The following TENM3 variants were observed in gnomAD, a reference collection of about 807,000 sequenced individuals.
The protein encoded by TENM3 is teneurin-3.
A neutral mutation model predicts 255.1 loss-of-function variants in TENM3; 63 were observed. The ratio of observed to expected loss-of-function variants is 0.25; its 90% CI spans 0.20 to 0.30. TENM3 has a LOEUF of 0.30. Among genes scored for constraint, TENM3 ranks in the 10% least tolerant of loss-of-function variants. The pLI, the probability that TENM3 is intolerant of heterozygous loss-of-function variation, is 1.00. For synonymous variants in TENM3, 1,306 were observed against 1,322.3 expected (o/e 0.99, Z 0.27); for missense variants, 2,929 against 3,461.1 (o/e 0.85, Z 3.86).
At position 182,508,026 on chromosome 4, in the gene TENM3, G is replaced by A. The variant is rs1410291402; in HGVS notation, c.512-92898G>A. 3.9e-4 allele frequency among the ~76,000 whole-genome samples: 60 copies of A among 152,148 alleles called. 1 individual carries two copies. The highest frequency in any genetic ancestry group is 1.5e-5 in the Non-Finnish European group (1 of 68,014). On this transcript the variant is annotated intron_variant, in intron 3 of 27. Transcript: ENST00000511685. ...CAGGCTCTGGTATCAGGTTTCCTGG[G>A]ATGGAATCCTAGTTCTGTCACTAAC...
intron 1 of TENM3, among the ~76,000 whole-genome samples, chr4:182,177,518 T>G (rs938187303): frequency 2.6e-5 from 4 of 151,800 alleles, no homozygotes; most frequent in Non-Finnish European, 5.9e-5. Flanking sequence ...CTGAAAATTA[T>G]CAAATTAGGC....
At chr4:182,108,141 T>C in the TENM3 span, among the ~76,000 whole-genome samples, 1 of 152,216 alleles carries the variant, frequency 6.6e-6, no homozygotes, top group Admixed American at 6.5e-5. Context: ...CATCAGAGCA[T>C]GTGCCCAGCC....
At chr4:181,606,460 G>T in the TENM3 span, among the ~76,000 whole-genome samples, 1 of 152,116 alleles carries the variant, frequency 6.6e-6, no homozygotes, top group Non-Finnish European at 1.5e-5. Context: ...GACAATGCTT[G>T]GTTCTCAGTT....
chr4:182,351,552 G>T (rs1765183196), intron 3 of TENM3, among the ~76,000 whole-genome samples: 1 of 152,154 alleles, frequency 6.6e-6, no homozygotes, highest in African/African-American at 2.4e-5. Context: ...GAGGGGCGGA[G>T]CTCTCCTGTT....
At chr4:182,580,781 G>A (rs1745414174) in intron 3 of TENM3, among the ~76,000 whole-genome samples, 1 of 152,144 alleles carries the variant, frequency 6.6e-6, no homozygotes, top group Non-Finnish European at 1.5e-5. Context: ...CAAATTATGT[G>A]TGGTACATTT....
At chr4:181,711,055 G>A in the TENM3 span, among the ~76,000 whole-genome samples, 2 of 151,936 alleles carry the variant, frequency 1.3e-5, no homozygotes, top group African/African-American at 4.8e-5. Context: ...CCTGGGGTAG[G>A]GTAGAACAAT....
the TENM3 span, among the ~76,000 whole-genome samples, chr4:181,516,763 C>T: frequency 8.4e-4 from 122 of 144,830 alleles, no homozygotes; most frequent in Non-Finnish European, 1.3e-3. Flanking sequence ...GCAACAAGGG[C>T]GAAACTCCAT....
intron 3 of TENM3, among the ~76,000 whole-genome samples, chr4:182,504,224 G>T (rs1002748940): frequency 2.0e-5 from 3 of 151,080 alleles, no homozygotes; most frequent in African/African-American, 7.3e-5. Context: ...ATCCCCTGAT[G>T]AATCTGCATC....
Position 182,184,863 on chromosome 4 carries a change from A to C in TENM3, c.-76+40109A>C, listed in dbSNP as rs533601256. Among the ~76,000 whole-genome samples, 10 of 152,150 alleles carry C rather than the reference A, an allele frequency of 6.6e-5. No individual in the cohort carries two copies. The South Asian group carries it at 2.1e-3, about 32-fold the overall frequency. ...ACACTTTGGGAGGCCGAGGTGTATC[A>C]CCTGAGGTCAGGAGTTCAAGATCAG... On this transcript the variant is annotated intron_variant, in intron 1 of 2. Transcript: ENST00000512480.
intron 3 of TENM3, among the ~76,000 whole-genome samples, chr4:182,476,541 G>A (rs1733699274): frequency 6.6e-6 from 1 of 152,122 alleles, no homozygotes; most frequent in South Asian, 2.1e-4. Flanking sequence ...CAAGATTTAT[G>A]TATATTATAT....
chr4:181,487,026 T>TA, the TENM3 span, among the ~76,000 whole-genome samples: 1 of 152,208 alleles, frequency 6.6e-6, no homozygotes, highest in African/African-American at 2.4e-5. Context: ...CATAATTGTT[T>TA]AAAATCACAA....
chr4:182,540,881 T>C (rs74641125), intron 3 of TENM3, among the ~76,000 whole-genome samples: 6,047 of 152,278 alleles, frequency 0.04, 235 homozygotes, highest in East Asian at 0.11. Flanking sequence ...CAGGGAGGAT[T>C]TCCCTGAGGA....
the TENM3 span, among the ~76,000 whole-genome samples, chr4:181,927,526 G>A: frequency 6.6e-6 from 1 of 152,250 alleles, no homozygotes; most frequent in Non-Finnish European, 1.5e-5. Flanking sequence ...GCCCCAGTCA[G>A]GGGCTTATAG....
At chr4:182,034,731 A>G in the TENM3 span, among the ~76,000 whole-genome samples, 3 of 152,150 alleles carry the variant, frequency 2.0e-5, no homozygotes, top group Admixed American at 1.3e-4. Flanking sequence ...TCCAGCTTGT[A>G]GGGTTTCTGC....
rs1256341929 is a variant in TENM3, at chr4:182,802,967, C to T, written c.*2616C>T. 1.3e-5 allele frequency: 2 copies of T among 152,458 alleles called. No homozygotes were observed. Among genetic ancestry groups the T allele is most frequent in the African/African-American group, 2.4e-5 (1 of 41,384 alleles). 9.4% of individuals were successfully genotyped at this position (152,458 alleles called of 1,614,324 possible). ...AACTTTATATGTGACCTGAATTTTC[C>T]ATAACTTGATGACTATAGATTGCAC... On this transcript the variant is annotated 3_prime_UTR_variant, in exon 28 of 28. Coordinates refer to ENST00000511685, the MANE Select transcript of TENM3 (RefSeq NM_001080477.4).
chr4:182,783,687 G>A (rs922779887), intron 24 of TENM3, among the ~76,000 whole-genome samples: 1 of 151,904 alleles, frequency 6.6e-6, no homozygotes, highest in Non-Finnish European at 1.5e-5. Context: ...TCACTTTCAG[G>A]TACACCAATC....
At chr4:181,921,476 A>G in the TENM3 span, among the ~76,000 whole-genome samples, 1 of 152,034 alleles carries the variant, frequency 6.6e-6, no homozygotes, top group Non-Finnish European at 1.5e-5. Context: ...ATTCCTAGGT[A>G]TTTTATTCTC....
At chr4:182,405,815 A>G (rs948998171) in intron 3 of TENM3, among the ~76,000 whole-genome samples, 2 of 152,206 alleles carry the variant, frequency 1.3e-5, no homozygotes, top group African/African-American at 4.8e-5. Context: ...TGCTTCAGGC[A>G]TGGCATAAAC....
At chr4:182,706,905 G>C (rs1170080358) in intron 12 of TENM3, among the ~76,000 whole-genome samples, 3 of 151,600 alleles carry the variant, frequency 2.0e-5, no homozygotes. Context: ...AGTGAGCCAA[G>C]CTGTGATTGC....
Sources: gnomAD v4.1 joint callset for allele counts (sites outside exome capture counted in the v4.1 genomes callset) on GRCh38, gnomAD v4.1.1 for gene constraint, MANE v1.5 for transcripts, NCBI Gene and HGNC (gene_info 2026-07-23, HGNC 2026-07-21) for gene names.